KDM2B: variants seen among roughly 807,000 people sequenced by gnomAD.
KDM2B encodes lysine-specific demethylase 2B.
KDM2B carries 26 observed loss-of-function variants against 150.0 expected under a neutral mutation model. The ratio of observed to expected loss-of-function variants is 0.17; its 90% CI spans 0.13 to 0.24. The LOEUF (loss-of-function observed/expected upper bound fraction) is 0.24, where lower values mean the gene tolerates loss of function less well. KDM2B is among the 10% of genes least tolerant of loss of function. The pLI is 1.00. For missense variants in KDM2B, 1,265 were observed against 1,816.9 expected (o/e 0.70, Z 5.52); for synonymous variants, 734 against 729.5 (o/e 1.01, Z -0.10).
intron 4 of KDM2B, among the ~76,000 whole-genome samples, chr12:121,557,500 A>T (rs1889993169): frequency 6.6e-6 from 1 of 152,076 alleles, no homozygotes; most frequent in African/African-American, 2.4e-5. Flanking sequence ...TCAGCCTCCC[A>T]AAGTGCTGGG....
intron 11 of KDM2B, among the ~76,000 whole-genome samples, chr12:121,498,227 A>G (rs1555301361): frequency 6.6e-6 from 1 of 152,114 alleles, no homozygotes; most frequent in African/African-American, 2.4e-5. Flanking sequence ...GTGGGCCCCA[A>G]ATGGCTGGGG....
At chr12:121,556,003 T>G (rs1555312642) in intron 4 of KDM2B, among the ~76,000 whole-genome samples, 1 of 152,020 alleles carries the variant, frequency 6.6e-6, no homozygotes, top group Non-Finnish European at 1.5e-5. Context: ...CTCGGCTCAC[T>G]GCAACCTCTG....
chr12:121,428,137 GA>G (rs1872603644), downstream of KDM2B, among the ~76,000 whole-genome samples: 2 of 152,150 alleles, frequency 1.3e-5, no homozygotes, highest in African/African-American at 4.8e-5. Context: ...AGTGTCTTTA[GA>G]TTGAGTCAAC....
At chr12:121,573,293 T>C (rs1207595772) in intron 4 of KDM2B, among the ~76,000 whole-genome samples, 1 of 151,728 alleles carries the variant, frequency 6.6e-6, no homozygotes, top group Non-Finnish European at 1.5e-5. Flanking sequence ...TACTTTTTTT[T>C]TTTTTTTGAG....
intron 22 of KDM2B, among the ~76,000 whole-genome samples, chr12:121,431,488 A>C (rs1206689424): frequency 6.6e-6 from 1 of 151,898 alleles, no homozygotes; most frequent in African/African-American, 2.4e-5. Context: ...AATCATCCTT[A>C]GTATCAACAC....
chr12:121,420,094 T>G, the KDM2B span: 1 of 648,994 alleles, frequency 1.5e-6, no homozygotes, highest in Non-Finnish European at 2.6e-6. Context: ...AGGGCCCAAC[T>G]TTTTGGAAGG....
At position 121,580,888 on chromosome 12, in the gene KDM2B, T is replaced by TC. The variant is rs782171290; in HGVS notation, c.23dup (p.Ser9IlefsTer28). 3 of 1,613,254 alleles carry TC rather than the reference T, an allele frequency of 1.9e-6. No individual in the cohort carries two copies. The African/African-American group carries it at 4.0e-5, about 22-fold the overall frequency. ...TTCGTGGGGGGTGATCCTCTGCAGA[T>TC]CCCCCCATTTGCGGACCCGCCATGT... On this transcript the variant is annotated frameshift_variant, in exon 1 of 23. Transcript: ENST00000377071. LOFTEE classifies it high-confidence loss of function.
chr12:121,534,756 G>A lies in KDM2B; in HGVS notation c.684-166C>T, dbSNP rs782268813. ...TCCAAATGTAATCGGAGTTCCCCAC[G>A]GGGGAAGCCCCTGTGATCAGGTGAC... On this transcript the variant is annotated intron_variant, in intron 6 of 22. Coordinates refer to ENST00000377071, the MANE Select transcript of KDM2B (RefSeq NM_032590.5). The A allele has an allele frequency of 1.1e-4, 66 of 583,674 alleles. No individual in the cohort carries two copies. In the Middle Eastern group the frequency reaches 1.8e-3, roughly 16 times the overall value. 36.2% of individuals were successfully genotyped at this position (583,674 alleles called of 1,614,324 possible).
intron 12 of KDM2B, among the ~76,000 whole-genome samples, chr12:121,474,570 G>C (rs150687030): frequency 3.3e-4 from 51 of 152,268 alleles, no homozygotes; most frequent in African/African-American, 1.0e-3. Context: ...AGCATATACA[G>C]TCATGCTCTT....
At chr12:121,481,392 G>A (rs1041832087) in intron 12 of KDM2B, among the ~76,000 whole-genome samples, 10 of 152,100 alleles carry the variant, frequency 6.6e-5, no homozygotes, top group African/African-American at 1.4e-4. Context: ...GCAAAAATAA[G>A]TGATGAAAAT....
intron 6 of KDM2B, among the ~76,000 whole-genome samples, chr12:121,543,975 G>T (rs115169217): frequency 6.6e-6 from 1 of 151,732 alleles, no homozygotes; most frequent in African/African-American, 2.4e-5. Flanking sequence ...TTAGCCAGGC[G>T]TGGTGGTGTG....
chr12:121,466,240 A>G (rs1879896710), intron 12 of KDM2B, among the ~76,000 whole-genome samples: 1 of 152,010 alleles, frequency 6.6e-6, no homozygotes, highest in Non-Finnish European at 1.5e-5. Context: ...GTCCAATGCC[A>G]CATGCTAACT....
At chr12:121,552,988 T>C (rs1889622016) in intron 4 of KDM2B, among the ~76,000 whole-genome samples, 1 of 151,560 alleles carries the variant, frequency 6.6e-6, no homozygotes, top group Non-Finnish European at 1.5e-5. Flanking sequence ...ATCCCAGCAC[T>C]TTGGGAGGCT....
chr12:121,416,505 T>C, the KDM2B span: 3 of 672,762 alleles, frequency 4.5e-6, no homozygotes, highest in Non-Finnish European at 2.5e-6. Context: ...CCATTAGCCA[T>C]TTTCCATCTA....
chr12:121,465,840 G>T (rs1269890563), intron 12 of KDM2B, among the ~76,000 whole-genome samples: 1 of 152,150 alleles, frequency 6.6e-6, no homozygotes, highest in African/African-American at 2.4e-5. Flanking sequence ...AAATGAAAAT[G>T]TTCAAAGCAG....
rs782039115 is a variant in KDM2B, at chr12:121,442,755, C to T, written c.2686G>A (p.Glu896Lys). ...GTCTTGGGGGGCGCCTCGGGCAGTT[C>T]GTCCTCGGGTTCCTGCTTGAAGCGC... ...LRRFKQEPED[E>K]LPEAPPKTRE... Residue 896 changes from glutamate to lysine, a missense_variant, in exon 19 of 23, where the codon GAA becomes AAA. Glu to Lys is a moderately conservative substitution (Grantham distance 56). This residue lies in a region of KDM2B where 418 missense variants were observed against 402.4 expected (regional missense o/e 1.04). Coordinates refer to ENST00000377071, the MANE Select transcript of KDM2B (RefSeq NM_032590.5). This position sits in a 1 kb window ranked among gnomAD's most constrained non-coding sequence, Gnocchi z 7.7. The T allele has an allele frequency of 3.2e-6, 5 of 1,550,240 alleles. No homozygotes were observed. The highest frequency in any genetic ancestry group is 4.5e-5 in the East Asian group (2 of 44,438).
At chr12:121,435,314 T>G (rs1211678234) in intron 22 of KDM2B, among the ~76,000 whole-genome samples, 2 of 152,234 alleles carry the variant, frequency 1.3e-5, no homozygotes, top group East Asian at 3.9e-4. Context: ...ATAATTATTT[T>G]TCTAATTTTG....
intron 22 of KDM2B, among the ~76,000 whole-genome samples, chr12:121,434,096 T>C (rs10849883): frequency 0.65 from 98,381 of 151,488 alleles, 33,815 homozygotes; most frequent in African/African-American, 0.89. Context: ...GGGAGGATCA[T>C]TTTTGCCTGG....
At chr12:121,577,412 T>C (rs1403334143) in intron 2 of KDM2B, among the ~76,000 whole-genome samples, 3 of 152,186 alleles carry the variant, frequency 2.0e-5, no homozygotes, top group Admixed American at 6.5e-5. Context: ...ATTCCACTTA[T>C]GTAGAGAAAA....
Sources: gnomAD v4.1 joint callset for allele counts (sites outside exome capture counted in the v4.1 genomes callset) on GRCh38, gnomAD v4.1.1 for gene constraint, gnomAD v4.1.1 regional missense constraint, Gnocchi (gnomAD v3.1) non-coding constraint, MANE v1.5 for transcripts, NCBI Gene and HGNC (gene_info 2026-07-23, HGNC 2026-07-21) for gene names.